Variants in RAC2 observed in about 807,000 individuals in gnomAD.
The protein encoded by RAC2 is Rac family small GTPase 2.
Under a neutral mutation model 24.0 loss-of-function variants are expected in RAC2, and 1 was observed. That is an observed-to-expected ratio of 0.04 (90% CI 0.01 to 0.20). The LOEUF (loss-of-function observed/expected upper bound fraction) is 0.20, where lower values mean the gene tolerates loss of function less well. RAC2 is among the 10% of genes least tolerant of loss of function. The pLI is 1.00. For synonymous variants in RAC2, 114 were observed against 106.8 expected, an observed-to-expected ratio of 1.07 and a Z score of -0.41; for missense variants, 130 against 259.1, an observed-to-expected ratio of 0.50 and a Z score of 3.42.
chr22:37,236,570 T>C (rs1303640836), intron 2 of RAC2, among the ~76,000 whole-genome samples: 1 of 151,180 alleles, frequency 6.6e-6, no homozygotes, highest in South Asian at 2.1e-4. Context: ...GGAAATGGAG[T>C]TGGAGAGAGC....
intron 1 of RAC2, among the ~76,000 whole-genome samples, chr22:37,243,366 G>T (rs537058156): frequency 1.3e-5 from 2 of 152,158 alleles, no homozygotes; most frequent in East Asian, 1.9e-4. Flanking sequence ...GAAGTCACTG[G>T]GATCTGACAA....
At position 37,228,492 on chromosome 22, in the gene RAC2, G is replaced by A. The variant is rs1051577746; in HGVS notation, c.449-1689C>T. Among the ~76,000 whole-genome samples the A allele has an allele frequency of 3.3e-5, 5 of 152,340 alleles. No homozygotes were observed. The East Asian group carries it at 5.8e-4, about 18-fold the overall frequency. ...GAGATGCTATGCAGGCCTGGGGGCCGATGTCAGAACCAAGAGGAAGGAGAA... is the reference window on the plus strand; with the variant it reads ...GAGATGCTATGCAGGCCTGGGGGCCAATGTCAGAACCAAGAGGAAGGAGAA... On this transcript the variant is annotated intron_variant, in intron 5 of 6. Coordinates refer to ENST00000249071, the MANE Select transcript of RAC2 (RefSeq NM_002872.5).
rs537662278 is a variant in RAC2, at chr22:37,241,625, G to A, written c.69C>T (p.Tyr23=). The change falls in exon 2 of 7, where the codon TAC becomes TAT. Residue 23 remains tyrosine, a synonymous_variant. Coordinates refer to ENST00000249071, the MANE Select transcript of RAC2 (RefSeq NM_002872.5). ...ACTCTCCGGGAAAGGCGTTGGTGGT[G>A]TAGCTGATGAGAAGGCAGGTCTTGC... ...AVGKTCLLIS[Y]TTNAFPGEYI... The A allele has an allele frequency of 5.6e-6, 9 of 1,614,148 alleles. No homozygotes were observed. Among genetic ancestry groups the A allele is most frequent in the East Asian group, 2.2e-5 (1 of 44,886 alleles).
intron 2 of RAC2, among the ~76,000 whole-genome samples, chr22:37,237,940 G>A (rs1444335172): frequency 6.6e-6 from 1 of 151,920 alleles, no homozygotes; most frequent in Admixed American, 6.5e-5. Context: ...GTTGGAGACG[G>A]GGGGCTGCTG....
chr22:37,239,850 T>C (rs929023), intron 2 of RAC2, among the ~76,000 whole-genome samples: 62,914 of 152,030 alleles, frequency 0.41, 13,669 homozygotes, highest in Middle Eastern at 0.51. Flanking sequence ...TCTCCCTCCC[T>C]GCTCAGGTTT....
intron 2 of RAC2, chr22:37,241,269 G>A (rs751826829): frequency 2.4e-4 from 167 of 697,408 alleles, no homozygotes; most frequent in South Asian, 3.7e-4. Context: ...GCCTGCTTCC[G>A]CAGAAGCTCC....
chr22:37,232,458 C>T (rs1927095456), intron 3 of RAC2: 1 of 442,214 alleles, frequency 2.3e-6, no homozygotes, highest in Non-Finnish European at 4.2e-6. Flanking sequence ...CATCCTCCAC[C>T]TCTCCCCTCC....
intron 1 of RAC2, among the ~76,000 whole-genome samples, chr22:37,242,496 A>C (rs978814176): frequency 6.6e-6 from 1 of 152,152 alleles, no homozygotes; most frequent in Non-Finnish European, 1.5e-5. Context: ...GGGTGCAGGT[A>C]GCTCAGCCGA....
Position 37,231,387 on chromosome 22 carries a change from A to C in RAC2, c.292T>G (p.Phe98Val). 1 of 1,613,920 alleles carries C rather than the reference A, an allele frequency of 6.2e-7. No homozygotes were observed. Among genetic ancestry groups the C allele is most frequent in the Non-Finnish European group, 8.5e-7 (1 of 1,180,002 alleles). ...ASYENVRAKW[F>V]PEVRHHCPST... ...GGGCAGTGGTGCCGCACTTCTGGGAACCACTGGGCAGGTGGGTGGGGGGAC... is the reference window on the plus strand; with the variant it reads ...GGGCAGTGGTGCCGCACTTCTGGGACCCACTGGGCAGGTGGGTGGGGGGAC... Residue 98 changes from phenylalanine to valine, a missense_variant, in exon 5 of 7, where the codon TTC becomes GTC. Phe to Val is a conservative substitution (Grantham distance 50). Coordinates refer to ENST00000249071, the MANE Select transcript of RAC2 (RefSeq NM_002872.5). This position sits in a 1 kb window ranked among gnomAD's most constrained non-coding sequence, Gnocchi z 5.5.
intron 2 of RAC2, among the ~76,000 whole-genome samples, chr22:37,235,188 G>A (rs895379648): frequency 1.8e-4 from 28 of 152,098 alleles, no homozygotes; most frequent in African/African-American, 6.8e-4. Flanking sequence ...CACCTCTCCT[G>A]AGAGGAGTCC....
chr22:37,240,449 A>G (rs1458779963), intron 2 of RAC2, among the ~76,000 whole-genome samples: 1 of 152,244 alleles, frequency 6.6e-6, no homozygotes, highest in Non-Finnish European at 1.5e-5. Context: ...CAGGGGGATC[A>G]AATGAGATCA....
chr22:37,237,014 C>A (rs1400522230), intron 2 of RAC2, among the ~76,000 whole-genome samples: 2 of 152,164 alleles, frequency 1.3e-5, no homozygotes, highest in African/African-American at 2.4e-5. Context: ...CATGGTGAAA[C>A]CCTGTCTCTA....
At position 37,231,789 on chromosome 22, in the gene RAC2, C is replaced by T; in HGVS notation, c.288+143G>A. 1 of 971,382 alleles carries T rather than the reference C, an allele frequency of 1.0e-6. No homozygotes were observed. Among genetic ancestry groups the T allele is most frequent in the South Asian group, 1.5e-5 (1 of 68,704 alleles). 60.2% of individuals were successfully genotyped at this position (971,382 alleles called of 1,614,324 possible). A position where few individuals can be genotyped will look rare whatever the true frequency, so the allele number is the denominator to read the frequency against. On this transcript the variant is annotated intron_variant, in intron 4 of 6. Coordinates refer to ENST00000249071, the MANE Select transcript of RAC2 (RefSeq NM_002872.5). This position sits in a 1 kb window ranked among gnomAD's most constrained non-coding sequence, Gnocchi z 5.5. ...CTGAATCTTACCCCCTCAAGTCCCTCTGCCAGCCCTGGTTGGCACTGGGGA... is the reference window on the plus strand; with the variant it reads ...CTGAATCTTACCCCCTCAAGTCCCTTTGCCAGCCCTGGTTGGCACTGGGGA...
rs1064498 is a variant in RAC2 at position 37,226,775 on chromosome 22, A to G, written c.477T>C (p.Ala159=). The change falls in exon 6 of 7, where the codon GCT becomes GCC. Residue 159 remains alanine (A), a synonymous_variant. Transcript: ENST00000249071. ...CGGTTTTCAGGCCTCTCTGGGTGAG[A>G]GCTGAGCACTCCAGGTATTTCACCG... ...IDSVKYLECS[A]LTQRGLKTVF... The G allele has an allele frequency of 0.16, 252,284 of 1,612,120 alleles. 22,937 individuals are homozygous for G. Among genetic ancestry groups the G allele is most frequent in the African/African-American group, 0.4 (29,519 of 74,606 alleles).
chr22:37,241,284 C>G, intron 2 of RAC2: 1 of 681,076 alleles, frequency 1.5e-6, no homozygotes, highest in Admixed American at 2.1e-5. Flanking sequence ...AGCTCCTCTC[C>G]CAGCTCCTGC....
intron 5 of RAC2, among the ~76,000 whole-genome samples, chr22:37,227,843 G>A (rs56074805): frequency 2.0e-5 from 3 of 151,972 alleles, no homozygotes; most frequent in Non-Finnish European, 4.4e-5. Context: ...AATAGCGAGC[G>A]TGAACTCAGT....
intron 2 of RAC2, among the ~76,000 whole-genome samples, chr22:37,233,985 T>C (rs989199184): frequency 9.2e-5 from 14 of 152,126 alleles, no homozygotes; most frequent in African/African-American, 3.4e-4. Context: ...CGGCAAACGG[T>C]AGAAAGACAC....
chr22:37,244,268 AG>A lies in RAC2; in HGVS notation c.-121del. 1 of 1,108,976 alleles carries A rather than the reference AG, an allele frequency of 9.0e-7. No individual in the cohort carries two copies. Among genetic ancestry groups the A allele is most frequent in the South Asian group, 1.3e-5 (1 of 75,990 alleles). 68.7% of individuals were successfully genotyped at this position (1,108,976 alleles called of 1,614,324 possible). On this transcript the variant is annotated 5_prime_UTR_variant, in exon 1 of 7. Transcript: ENST00000249071. ...TGAGGAGCAGCGGTGGTGGGGCAGG[AG>A]GAAACGGAAGGGGAACTTACTCAAG... is the stretch of plus-strand genomic sequence containing the variant.
At chr22:37,242,637 T>TTGAATGA (rs1927437384) in intron 1 of RAC2, among the ~76,000 whole-genome samples, 1 of 152,174 alleles carries the variant, frequency 6.6e-6, no homozygotes, top group Non-Finnish European at 1.5e-5. Context: ...CGAGGTAATT[T>TTGAATGA]TGAATGACTG....
Sources: gnomAD v4.1 joint callset for allele counts (sites outside exome capture counted in the v4.1 genomes callset) on GRCh38, gnomAD v4.1.1 for gene constraint, Gnocchi (gnomAD v3.1) non-coding constraint, MANE v1.5 for transcripts, NCBI Gene and HGNC (gene_info 2026-07-23, HGNC 2026-07-21) for gene names.